TRPM1: variants seen among roughly 807,000 people sequenced by gnomAD.
The protein encoded by TRPM1 is TRPM1-203 APA Isoform, Intron 10.
Under a neutral mutation model 149.4 loss-of-function variants are expected in TRPM1, and 113 were observed. The observed-to-expected ratio is 0.76, with a 90% confidence interval of 0.65 to 0.88. The LOEUF is 0.88. Ranked by LOEUF, TRPM1 falls within the 40% of genes least tolerant of loss-of-function variation. The pLI, the probability that TRPM1 is intolerant of heterozygous loss-of-function variation, is 0.00. For synonymous variants in TRPM1, 741 were observed against 759.5 expected (o/e 0.98, Z 0.40); for missense variants, 1,976 against 2,038.7 (o/e 0.97, Z 0.59).
chr15:31,115,927 A>G (rs181171727), intron 1 of TRPM1, among the ~76,000 whole-genome samples: 3 of 152,064 alleles, frequency 2.0e-5, no homozygotes, highest in African/African-American at 7.2e-5. Context: ...GTCTTCATAG[A>G]CACACCTTTC....
intron 2 of TRPM1, among the ~76,000 whole-genome samples, chr15:31,077,744 G>C (rs1026196922): frequency 6.6e-6 from 1 of 152,050 alleles, no homozygotes; most frequent in Non-Finnish European, 1.5e-5. Context: ...GTGTGTGTGT[G>C]TGTGCTATGT....
chr15:31,039,770 C>T (rs900694028), intron 18 of TRPM1, among the ~76,000 whole-genome samples: 8 of 152,100 alleles, frequency 5.3e-5, no homozygotes, highest in South Asian at 2.1e-4. Flanking sequence ...GGTGGGTAGA[C>T]GACCCAACCA....
chr15:31,027,913 T>C (rs1466313730), intron 25 of TRPM1, among the ~76,000 whole-genome samples: 3 of 152,146 alleles, frequency 2.0e-5, no homozygotes, highest in South Asian at 2.1e-4. Flanking sequence ...TTTTATCTTG[T>C]ATTCTATAAA....
At chr15:31,065,890 T>C (rs1460534028) in intron 7 of TRPM1, among the ~76,000 whole-genome samples, 186 bp downstream of exon 7, 2 of 152,186 alleles carry the variant, frequency 1.3e-5, no homozygotes, top group Non-Finnish European at 2.9e-5. Context: ...AGCATCCCCA[T>C]GTAGCCCAGT....
chr15:31,158,011 T>C (rs919839396), intron 1 of TRPM1, among the ~76,000 whole-genome samples: 1 of 152,138 alleles, frequency 6.6e-6, no homozygotes, highest in Non-Finnish European at 1.5e-5. Context: ...CGAGATAGAA[T>C]GAAAACAGCC....
chr15:31,041,978 A>T lies in TRPM1; in HGVS notation c.2060T>A (p.Ile687Asn). 1 of 1,614,010 alleles carries T rather than the reference A, an allele frequency of 6.2e-7. No homozygotes were observed. Among genetic ancestry groups the T allele is most frequent in the East Asian group, 2.2e-5 (1 of 44,862 alleles). The change falls in exon 17 of 28, where the codon ATC becomes AAC. Residue 687 changes from isoleucine (I) to asparagine (N), a missense_variant. Around this residue, in one of 3 missense-constraint regions of TRPM1, gnomAD observed 1,332 missense variants for 1,347.1 expected, o/e 0.99. Transcript: ENST00000256552. ...ESSESDLVDD[I>N]SQDLDNNSKD... ...GGAATTGTTATCCAAGTCCTGGGAG[A>T]TGTCATCCACCAGATCACTCTCGGA...
chr15:31,081,505 A>G, intron 1 of TRPM1, 67 bp from the exon 2 acceptor site: 1 of 1,035,394 alleles, frequency 9.7e-7, no homozygotes, highest in South Asian at 1.5e-5. Context: ...AAGCAAGATG[A>G]ACAAATCCTG....
chr15:31,035,834 A>T, intron 20 of TRPM1, 160 bp from the exon 21 acceptor site: 1 of 1,005,022 alleles, frequency 1.0e-6, no homozygotes, highest in Non-Finnish European at 1.5e-6. Context: ...ACCAGTGCAG[A>T]CAGAAGACCT....
At chr15:31,101,012 G>A (rs2035503286) in intron 1 of TRPM1, among the ~76,000 whole-genome samples, 1 of 152,184 alleles carries the variant, frequency 6.6e-6, no homozygotes, top group Non-Finnish European at 1.5e-5. Flanking sequence ...GCAGTGAGAG[G>A]GAGCAGTAAT....
intron 1 of TRPM1, among the ~76,000 whole-genome samples, chr15:31,089,034 G>A (rs2035126934): frequency 6.6e-6 from 1 of 152,056 alleles, no homozygotes; most frequent in Non-Finnish European, 1.5e-5. Flanking sequence ...CTCAAATGGG[G>A]GTATCAGAAA....
At chr15:31,075,581 C>T (rs191509219) in intron 3 of TRPM1, among the ~76,000 whole-genome samples, 1 of 152,292 alleles carries the variant, frequency 6.6e-6, no homozygotes, top group Non-Finnish European at 1.5e-5. Context: ...GACTTAGCCT[C>T]AGCAACAGGT....
At chr15:31,105,388 T>C (rs912161791), upstream of TRPM1, among the ~76,000 whole-genome samples, 8 of 152,250 alleles carry the variant, frequency 5.3e-5, no homozygotes, top group South Asian at 1.5e-3. Flanking sequence ...CTGAACTGAA[T>C]TGTTTCTGAG....
At chr15:31,077,070 T>C in intron 2 of TRPM1, 86 bp from the exon 3 acceptor site, 1 of 864,632 alleles carries the variant, frequency 1.2e-6, no homozygotes, top group East Asian at 2.6e-5. Flanking sequence ...TAAAACAATA[T>C]GTCTGCCCAC....
chr15:31,088,723 G>A (rs531902981), intron 1 of TRPM1, among the ~76,000 whole-genome samples: 16 of 151,876 alleles, frequency 1.1e-4, no homozygotes, highest in African/African-American at 3.1e-4. Flanking sequence ...GAGATTGACT[G>A]AAGCGGCGGT....
rs2032092237 is a variant in TRPM1, at chr15:31,009,072, ATAGT to A, written c.3630-6006_3630-6003del. 2.0e-5 allele frequency among the ~76,000 whole-genome samples: 3 copies of A among 151,318 alleles called. No individual in the cohort carries two copies. The South Asian group carries it at 6.2e-4, about 31-fold the overall frequency. On this transcript the variant is annotated intron_variant, in intron 27 of 27. Transcript: ENST00000256552. ...TTTCCTTCTGTCTGAAGAATTTCCT[ATAGT>A]TATTCTTTTAGAATTGGTCTGCTAG...
At chr15:31,135,416 A>C (rs185277152) in intron 1 of TRPM1, among the ~76,000 whole-genome samples, 4 of 152,344 alleles carry the variant, frequency 2.6e-5, no homozygotes, top group Admixed American at 1.3e-4. Flanking sequence ...TCAATTAAAA[A>C]AATTAAAAAT....
intron 27 of TRPM1, among the ~76,000 whole-genome samples, chr15:31,006,388 G>A (rs1247002642): frequency 6.6e-6 from 1 of 152,170 alleles, no homozygotes; most frequent in Admixed American, 6.5e-5. Flanking sequence ...ATGTTGGCCA[G>A]GCTGGCCTCG....
At chr15:31,047,282 G>A (rs2033801826) in intron 14 of TRPM1, 31 bp from the exon 15 acceptor site, 4 of 1,614,106 alleles carry the variant, frequency 2.5e-6, no homozygotes, top group Non-Finnish European at 3.4e-6. Flanking sequence ...CAGGCCCTGT[G>A]AGAATGCGTT....
chr15:31,043,218 G>T (rs534618729), intron 16 of TRPM1, among the ~76,000 whole-genome samples: 1 of 152,242 alleles, frequency 6.6e-6, no homozygotes, highest in Non-Finnish European at 1.5e-5. Context: ...TTTTGAGACG[G>T]AGTCTCACTG....
Sources: allele counts gnomAD v4.1 joint callset (sites outside exome capture counted in the v4.1 genomes callset), GRCh38; gene constraint gnomAD v4.1.1; regional missense constraint gnomAD v4.1.1; transcripts MANE v1.5; gene names NCBI Gene and HGNC (gene_info 2026-07-23, HGNC 2026-07-21).